The following AK4 variants were observed in gnomAD, a reference collection of about 807,000 sequenced individuals.
AK4 encodes the protein adenylate kinase 4.
A neutral mutation model predicts 24.6 loss-of-function variants in AK4; 13 were observed. That is an observed-to-expected ratio of 0.53 (90% CI 0.34 to 0.84). AK4 has a LOEUF of 0.84. Ranked by LOEUF, AK4 falls within the 40% of genes least tolerant of loss-of-function variation. The probability of loss-of-function intolerance (pLI) is 0.01; values close to 1 mark genes in which losing one functional copy is unlikely to be tolerated. For missense variants in AK4, 192 were observed against 288.2 expected, an observed-to-expected ratio of 0.67 and a Z score of 2.42; for synonymous variants, 88 against 107.0, an observed-to-expected ratio of 0.82 and a Z score of 1.10.
intron 2 of AK4, among the ~76,000 whole-genome samples, chr1:65,192,419 C>T (rs1651335187): frequency 6.6e-6 from 1 of 152,172 alleles, no homozygotes; most frequent in Non-Finnish European, 1.5e-5. Context: ...ACCTAATTAC[C>T]TCTTAAAGGC....
chr1:65,196,667 T>C (rs1320308579), intron 2 of AK4, among the ~76,000 whole-genome samples: 2 of 152,128 alleles, frequency 1.3e-5, no homozygotes, highest in Non-Finnish European at 2.9e-5. Flanking sequence ...GGTTGCACCA[T>C]GTTTGCCAGG....
chr1:65,188,983 C>T (rs1651199405), intron 1 of AK4, among the ~76,000 whole-genome samples: 1 of 151,732 alleles, frequency 6.6e-6, no homozygotes, highest in Non-Finnish European at 1.5e-5. Context: ...CTCTGTCACC[C>T]AGTGCAGTGG....
At chr1:65,155,644 C>CTT (rs11340935) in intron 1 of AK4, among the ~76,000 whole-genome samples, 1 of 145,038 alleles carries the variant, frequency 6.9e-6, no homozygotes, top group African/African-American at 2.5e-5. Context: ...ACTGCTAATA[C>CTT]TTTTTTTTTT....
At chr1:65,181,400 C>T (rs202197323) in intron 1 of AK4, among the ~76,000 whole-genome samples, 1,447 of 142,522 alleles carry the variant, frequency 0.01, 25 homozygotes, top group African/African-American at 0.036. Context: ...AGAATTAAGC[C>T]TTTTTTTTTT....
intron 2 of AK4, among the ~76,000 whole-genome samples, chr1:65,207,516 T>A (rs984731964): frequency 6.6e-6 from 1 of 151,124 alleles, no homozygotes; most frequent in African/African-American, 2.4e-5. Context: ...GGAGGAAGCA[T>A]AAACTTCAGT....
In AK4 at chr1:65,231,421, T is replaced by A. The variant is rs1235597657; in HGVS notation, c.*5244T>A. The A allele has an allele frequency of 6.6e-6, 1 of 152,202 alleles. No homozygotes were observed. The highest frequency in any genetic ancestry group is 1.5e-5 in the Non-Finnish European group (1 of 68,032). The allele number at this position is 152,202 out of a possible 1,614,324, so 9.4% of individuals were successfully genotyped here. A position where few individuals can be genotyped will look rare whatever the true frequency, so the allele number is the denominator to read the frequency against. ...TGAAAGCTCTTGTATGGCATAGATA[T>A]GAATTCCTTCCTCTGGTAATAATTA... On this transcript the variant is annotated 3_prime_UTR_variant, in exon 5 of 5. Coordinates refer to ENST00000327299, the MANE Select transcript of AK4 (RefSeq NM_013410.4).
intron 1 of AK4, among the ~76,000 whole-genome samples, chr1:65,168,278 C>A (rs779154260): frequency 4.0e-5 from 6 of 151,794 alleles, no homozygotes; most frequent in Non-Finnish European, 7.4e-5. Flanking sequence ...TCCCAAGTAG[C>A]TGGGCTTGCA....
chr1:65,221,578 T>G (rs763570864), intron 3 of AK4, among the ~76,000 whole-genome samples: 1 of 152,214 alleles, frequency 6.6e-6, no homozygotes, highest in Admixed American at 6.5e-5. Context: ...AAAAATTTTC[T>G]AATTCTTGTA....
chr1:65,180,447 A>G (rs559590574), intron 1 of AK4, among the ~76,000 whole-genome samples: 1 of 152,212 alleles, frequency 6.6e-6, no homozygotes, highest in East Asian at 1.9e-4. Context: ...TTGAACAAAT[A>G]CCAATTGAAA....
chr1:65,192,054 A>ACC (rs1410849820), intron 2 of AK4, among the ~76,000 whole-genome samples: 3 of 152,136 alleles, frequency 2.0e-5, no homozygotes, highest in Non-Finnish European at 4.4e-5. Context: ...CTCTGCCCTT[A>ACC]CCTAGGCATG....
intron 3 of AK4, among the ~76,000 whole-genome samples, chr1:65,219,206 A>G (rs1387853304): frequency 6.6e-6 from 1 of 151,318 alleles, no homozygotes; most frequent in Non-Finnish European, 1.5e-5. Context: ...GTATATAATT[A>G]TATTTATTTT....
At chr1:65,193,772 G>A (rs1179440712) in intron 2 of AK4, among the ~76,000 whole-genome samples, 1 of 152,214 alleles carries the variant, frequency 6.6e-6, no homozygotes, top group Non-Finnish European at 1.5e-5. Flanking sequence ...ATTTGGTTGC[G>A]AATGTGGAAC....
chr1:65,166,310 C>CTGTGTGTGTGTGTG (rs34870729), intron 1 of AK4, among the ~76,000 whole-genome samples: 5 of 143,006 alleles, frequency 3.5e-5, no homozygotes, highest in East Asian at 2.1e-4. Context: ...GGGATTTAAG[C>CTGTGTGTGTGTGTG]TGTGTGTGTG....
chr1:65,190,610 C>A, intron 1 of AK4, 100 bp from the exon 2 acceptor site: 1 of 1,344,518 alleles, frequency 7.4e-7, no homozygotes, highest in Non-Finnish European at 1.0e-6. Flanking sequence ...AATTTCTTCC[C>A]ACATCAGGAA....
intron 2 of AK4, 142 bp downstream of exon 2, chr1:65,190,971 G>A (rs1651287289): frequency 9.3e-7 from 1 of 1,080,414 alleles, no homozygotes; most frequent in East Asian, 2.8e-5. Flanking sequence ...TTGGCAACAT[G>A]ATAGGAACCC....
At chr1:65,152,324 C>G (rs1388899017) in intron 1 of AK4, among the ~76,000 whole-genome samples, 28 of 27,760 alleles carry the variant, frequency 1.0e-3, no homozygotes, top group Non-Finnish European at 1.7e-3. Context: ...CTATCTCTCT[C>G]TCTCTCTCTC....
chr1:65,180,839 T>C (rs921027177), intron 1 of AK4, among the ~76,000 whole-genome samples: 20 of 152,114 alleles, frequency 1.3e-4, no homozygotes, highest in African/African-American at 4.8e-4. Flanking sequence ...TGCACTGCCA[T>C]TATTAGTGAT....
chr1:65,213,376 G>T (rs536983080), intron 2 of AK4, among the ~76,000 whole-genome samples: 1 of 152,300 alleles, frequency 6.6e-6, no homozygotes, highest in South Asian at 2.1e-4. Context: ...TAGTGGCTGT[G>T]TTGTGCCCAG....
At chr1:65,157,747 C>G (rs933196410) in intron 1 of AK4, among the ~76,000 whole-genome samples, 4 of 152,060 alleles carry the variant, frequency 2.6e-5, no homozygotes, top group Non-Finnish European at 5.9e-5. Context: ...TGTGATCATG[C>G]CACTGCACTC....
Sources: gnomAD v4.1 joint callset for allele counts (sites outside exome capture counted in the v4.1 genomes callset) on GRCh38, gnomAD v4.1.1 for gene constraint, MANE v1.5 for transcripts, NCBI Gene and HGNC (gene_info 2026-07-23, HGNC 2026-07-21) for gene names.